GPC6: variants seen among roughly 807,000 people sequenced by gnomAD.
GPC6 encodes glypican-6.
GPC6 carries 14 observed loss-of-function variants against 55.2 expected under a neutral mutation model. The observed-to-expected ratio is 0.25, with a 90% CI of 0.17 to 0.40. The LOEUF is 0.40. GPC6 is among the 10% of genes least tolerant of loss of function. GPC6 has a pLI of 1.00. For synonymous variants in GPC6, 278 were observed against 259.6 expected (o/e 1.07, Z -0.68); for missense variants, 641 against 708.5 (o/e 0.90, Z 1.08).
At chr13:93,624,759 C>T (rs1879130624) in intron 2 of GPC6, among the ~76,000 whole-genome samples, 1 of 152,190 alleles carries the variant, frequency 6.6e-6, no homozygotes, top group Admixed American at 6.5e-5. Context: ...ATCAACATAT[C>T]AGTATCCATT....
chr13:93,396,827 C>T (rs1004253192), intron 1 of GPC6, among the ~76,000 whole-genome samples: 13 of 152,028 alleles, frequency 8.6e-5, no homozygotes, highest in Admixed American at 1.3e-4. Flanking sequence ...ATCATATGTA[C>T]TCCCTTAACT....
intron 6 of GPC6, among the ~76,000 whole-genome samples, chr13:94,334,743 G>A (rs1877596527): frequency 6.6e-6 from 1 of 152,178 alleles, no homozygotes; most frequent in African/African-American, 2.4e-5. Context: ...CAGAGCCCTT[G>A]CTTGAGTGTC....
chr13:93,308,010 C>T (rs557559681), intron 1 of GPC6, among the ~76,000 whole-genome samples: 5 of 152,126 alleles, frequency 3.3e-5, no homozygotes, highest in African/African-American at 9.6e-5. Flanking sequence ...TCAGGCCGGG[C>T]ACGGTGGCTC....
chr13:93,808,620 A>C (rs1355570930), intron 2 of GPC6, among the ~76,000 whole-genome samples: 1 of 152,232 alleles, frequency 6.6e-6, no homozygotes, highest in Non-Finnish European at 1.5e-5. Flanking sequence ...CTTTGAACTT[A>C]CATATTGTTA....
intron 2 of GPC6, among the ~76,000 whole-genome samples, chr13:93,590,309 G>A (rs189521823): frequency 6.6e-6 from 1 of 152,196 alleles, no homozygotes; most frequent in Non-Finnish European, 1.5e-5. Flanking sequence ...GTTCATGTTC[G>A]TCTTATCTAA....
chr13:93,262,686 G>C (rs1475444666), intron 1 of GPC6, among the ~76,000 whole-genome samples: 1 of 152,160 alleles, frequency 6.6e-6, no homozygotes, highest in Non-Finnish European at 1.5e-5. Flanking sequence ...TTCCATTTCA[G>C]TGTATAAGGA....
At chr13:94,193,942 T>C (rs1889481744) in intron 4 of GPC6, among the ~76,000 whole-genome samples, 1 of 152,124 alleles carries the variant, frequency 6.6e-6, no homozygotes, top group Admixed American at 6.5e-5. Context: ...ATGCTGGGGG[T>C]AAGTCTGTAA....
chr13:93,784,200 A>C (rs1016758351), intron 2 of GPC6, among the ~76,000 whole-genome samples: 2 of 152,188 alleles, frequency 1.3e-5, no homozygotes, highest in Non-Finnish European at 2.9e-5. Context: ...TAAAATAATA[A>C]GCTTTATTCA....
intron 4 of GPC6, among the ~76,000 whole-genome samples, chr13:94,105,785 C>G (rs565835213): frequency 6.6e-6 from 1 of 152,284 alleles, no homozygotes; most frequent in Non-Finnish European, 1.5e-5. Context: ...AATGGTGAAT[C>G]TTTACCGGGA....
chr13:93,989,683 A>G (rs1881203425), intron 3 of GPC6, among the ~76,000 whole-genome samples: 1 of 152,144 alleles, frequency 6.6e-6, no homozygotes, highest in Non-Finnish European at 1.5e-5. Flanking sequence ...CAATTATTTC[A>G]GACAGAGCAA....
chr13:93,548,128 C>G (rs1874929653), intron 2 of GPC6, among the ~76,000 whole-genome samples: 1 of 152,118 alleles, frequency 6.6e-6, no homozygotes, highest in East Asian at 1.9e-4. Flanking sequence ...CTATAAAAGA[C>G]TTTGAGTTTA....
chr13:93,394,511 T>G (rs928966726), intron 1 of GPC6, among the ~76,000 whole-genome samples: 8 of 152,226 alleles, frequency 5.3e-5, no homozygotes, highest in Admixed American at 5.2e-4. Flanking sequence ...CCCCTGATAG[T>G]TCCTCTCTTA....
chr13:93,918,799 T>A (rs951757931), intron 3 of GPC6, among the ~76,000 whole-genome samples: 3 of 152,188 alleles, frequency 2.0e-5, no homozygotes, highest in Admixed American at 6.5e-5. Flanking sequence ...TTTCAAGATC[T>A]TCATTGGGAG....
At chr13:93,594,979 A>T (rs1877661990) in intron 2 of GPC6, among the ~76,000 whole-genome samples, 1 of 152,136 alleles carries the variant, frequency 6.6e-6, no homozygotes. Context: ...GGGATAGGGA[A>T]TACAAACATT....
chr13:93,580,537 C>G (rs1243709280), intron 2 of GPC6, among the ~76,000 whole-genome samples: 3 of 152,116 alleles, frequency 2.0e-5, no homozygotes, highest in African/African-American at 7.2e-5. Context: ...ATTCATGTAA[C>G]AGATACTTAT....
intron 3 of GPC6, among the ~76,000 whole-genome samples, chr13:94,016,691 C>G (rs146345759): frequency 1.2e-4 from 19 of 152,292 alleles, no homozygotes; most frequent in African/African-American, 4.1e-4. Context: ...AATATGTCTT[C>G]TAGTCCATAA....
At chr13:93,862,051 G>A (rs903667061) in intron 3 of GPC6, among the ~76,000 whole-genome samples, 5 of 151,526 alleles carry the variant, frequency 3.3e-5, no homozygotes, top group African/African-American at 9.7e-5. Context: ...ATGGAATGAC[G>A]CTAAACCCAC....
At chr13:94,031,908 A>T (rs570597720) in intron 4 of GPC6, among the ~76,000 whole-genome samples, 1 of 151,896 alleles carries the variant, frequency 6.6e-6, no homozygotes, top group South Asian at 2.1e-4. Flanking sequence ...TAAATCTTAC[A>T]TCTACTTTAA....
At chr13:94,167,846 A>G (rs1888418257) in intron 4 of GPC6, among the ~76,000 whole-genome samples, 2 of 152,212 alleles carry the variant, frequency 1.3e-5, no homozygotes, top group Non-Finnish European at 2.9e-5. Flanking sequence ...AAGTCTTATA[A>G]ACAGGAAATA....
Sources: gnomAD v4.1 joint callset for allele counts (sites outside exome capture counted in the v4.1 genomes callset) on GRCh38, gnomAD v4.1.1 for gene constraint, MANE v1.5 for transcripts, NCBI Gene and HGNC (gene_info 2026-07-23, HGNC 2026-07-21) for gene names.